The following ATG7 variants were observed in gnomAD, a reference collection of about 807,000 sequenced individuals.
ATG7 encodes the protein autophagy related 7, also known as ubiquitin-like modifier-activating enzyme ATG7.
A neutral mutation model predicts 82.4 loss-of-function variants in ATG7; 70 were observed. That is an observed-to-expected ratio of 0.85 (90% CI 0.70 to 1.04). The LOEUF is 1.04. Among genes scored for constraint, ATG7 ranks in the 50% least tolerant of loss-of-function variants. The probability of loss-of-function intolerance (pLI) is 0.00; values close to 1 mark genes in which losing one functional copy is unlikely to be tolerated. For missense variants in ATG7, 792 were observed against 864.3 expected (o/e 0.92, Z 1.05); for synonymous variants, 287 against 313.0 (o/e 0.92, Z 0.88).
chr3:11,572,971 C>T, the ATG7 span, among the ~76,000 whole-genome samples: 11 of 152,000 alleles, frequency 7.2e-5, no homozygotes, highest in South Asian at 2.1e-4. Flanking sequence ...AGTTTGAGAC[C>T]GGCCTGACCA....
chr3:11,309,183 C>A, intron 7 of ATG7, 122 bp downstream of exon 7: 1 of 983,368 alleles, frequency 1.0e-6, no homozygotes, highest in Non-Finnish European at 1.6e-6. Context: ...TAAATAATAG[C>A]TGTTAACGAA....
At chr3:11,339,454 G>A (rs1031910035) in intron 11 of ATG7, among the ~76,000 whole-genome samples, 2 of 152,192 alleles carry the variant, frequency 1.3e-5, no homozygotes, top group African/African-American at 4.8e-5. Context: ...TGCTGGAAGT[G>A]TAGGCTGTGG....
chr3:11,459,673 A>G (rs1255462905), intron 20 of ATG7, among the ~76,000 whole-genome samples: 1 of 152,272 alleles, frequency 6.6e-6, no homozygotes, highest in East Asian at 1.9e-4. Context: ...GGGAAAAGGA[A>G]ATATACTGGC....
At chr3:11,440,972 T>C (rs2083891403) in intron 20 of ATG7, among the ~76,000 whole-genome samples, 1 of 151,970 alleles carries the variant, frequency 6.6e-6, no homozygotes, top group South Asian at 2.1e-4. Flanking sequence ...CATGAGCCAC[T>C]GTGCCTGGCC....
intron 19 of ATG7, among the ~76,000 whole-genome samples, chr3:11,400,137 T>C (rs2079689509): frequency 6.6e-6 from 1 of 152,180 alleles, no homozygotes. Flanking sequence ...TTTCAGAGAA[T>C]GCTCATCCCA....
chr3:11,343,469 G>A (rs773691033), intron 13 of ATG7, among the ~76,000 whole-genome samples: 26 of 151,978 alleles, frequency 1.7e-4, no homozygotes, highest in Admixed American at 7.2e-4. Flanking sequence ...TTGATTTAGA[G>A]TTCTTTTTAT....
intron 19 of ATG7, among the ~76,000 whole-genome samples, chr3:11,415,493 G>A (rs2081293942): frequency 6.6e-6 from 1 of 151,968 alleles, no homozygotes. Flanking sequence ...AACACAAATT[G>A]TACAGCCATA....
intron 19 of ATG7, among the ~76,000 whole-genome samples, chr3:11,382,705 TGAAA>T (rs1052783245): frequency 2.6e-5 from 4 of 152,246 alleles, no homozygotes; most frequent in African/African-American, 9.6e-5. Flanking sequence ...TCAATATTCC[TGAAA>T]GAATTTCCTG....
chr3:11,569,206 C>T, the ATG7 span, among the ~76,000 whole-genome samples: 2 of 152,232 alleles, frequency 1.3e-5, no homozygotes, highest in African/African-American at 4.8e-5. Context: ...ATGCTTAGCC[C>T]TTAGCCCCAT....
At position 11,306,876 on chromosome 3, in the gene ATG7, G is replaced by A. The variant is rs967459392; in HGVS notation, c.216-67G>A. The A allele has an allele frequency of 3.6e-5, 44 of 1,228,796 alleles. No individual in the cohort carries two copies. In the Admixed American group the frequency reaches 4.5e-4, roughly 13 times the overall value. 76.1% of individuals were successfully genotyped at this position (1,228,796 alleles called of 1,614,324 possible). A position where few individuals can be genotyped will look rare whatever the true frequency, so the allele number is the denominator to read the frequency against. ...ACCCTTTTTATCCCACTACAGTGGT[G>A]GTTGACTTGTCTCTCCCTGGCTGAG... On this transcript the variant is annotated intron_variant, in intron 5 of 20. Coordinates refer to ENST00000693202, the MANE Select transcript of ATG7 (RefSeq NM_001349232.2).
intron 9 of ATG7, 77 bp downstream of exon 9, chr3:11,315,570 C>T: frequency 3.9e-6 from 5 of 1,274,846 alleles, no homozygotes; most frequent in Non-Finnish European, 5.2e-6. Context: ...GAGACCACTG[C>T]AAAATTCAAA....
Position 11,554,926 on chromosome 3 carries a change from G to T in ATG7, c.*83G>T. ...GCCAGAGCAGGACTGCTGACCCCAGGCCTGGTGATTCTGGGCCCCTCCTCC... is the reference window on the plus strand; with the variant it reads ...GCCAGAGCAGGACTGCTGACCCCAGTCCTGGTGATTCTGGGCCCCTCCTCC... On this transcript the variant is annotated 3_prime_UTR_variant, in exon 21 of 21. Transcript: ENST00000693202. The T allele has an allele frequency of 2.0e-6, 3 of 1,527,016 alleles. No individual in the cohort carries two copies. The highest frequency in any genetic ancestry group is 2.7e-6 in the Non-Finnish European group (3 of 1,128,324). 94.6% of individuals were successfully genotyped at this position (1,527,016 alleles called of 1,614,324 possible). A position where few individuals can be genotyped will look rare whatever the true frequency, so the allele number is the denominator to read the frequency against.
intron 19 of ATG7, among the ~76,000 whole-genome samples, chr3:11,393,696 C>A (rs376648279): frequency 7.5e-6 from 1 of 133,274 alleles, no homozygotes; most frequent in African/African-American, 2.7e-5. Flanking sequence ...TTTTTTTTTT[C>A]TTTTATCTCA....
intron 19 of ATG7, among the ~76,000 whole-genome samples, chr3:11,425,994 CA>C (rs1394947720): frequency 6.6e-6 from 1 of 152,186 alleles, no homozygotes; most frequent in African/African-American, 2.4e-5. Context: ...GACTATACCA[CA>C]ATCCATTTGT....
intron 13 of ATG7, among the ~76,000 whole-genome samples, chr3:11,347,644 T>A (rs1031660546): frequency 5.9e-5 from 9 of 152,212 alleles, no homozygotes; most frequent in African/African-American, 2.2e-4. Flanking sequence ...CCACTTGACA[T>A]TTTTTAGTCT....
intron 11 of ATG7, among the ~76,000 whole-genome samples, 191 bp from the exon 12 acceptor site, chr3:11,340,454 G>T (rs1366742868): frequency 6.6e-6 from 1 of 152,152 alleles, no homozygotes; most frequent in African/African-American, 2.4e-5. Flanking sequence ...AGTTGGGAAA[G>T]ATGGGGAGGC....
At chr3:11,311,537 G>A (rs1010038812) in intron 7 of ATG7, among the ~76,000 whole-genome samples, 5 of 151,746 alleles carry the variant, frequency 3.3e-5, no homozygotes, top group African/African-American at 1.2e-4. Context: ...GGGAGGTGGA[G>A]GTTGCAGTGA....
At chr3:11,408,909 G>T (rs915660581) in intron 19 of ATG7, among the ~76,000 whole-genome samples, 3 of 152,126 alleles carry the variant, frequency 2.0e-5, no homozygotes, top group East Asian at 1.9e-4. Context: ...CATCTTGCTG[G>T]CCAGAGCATC....
chr3:11,432,537 G>A (rs2082992941), intron 20 of ATG7, among the ~76,000 whole-genome samples: 1 of 151,980 alleles, frequency 6.6e-6, no homozygotes, highest in Admixed American at 6.6e-5. Context: ...AAGACATATT[G>A]GGTGCTGTGT....
Sources: allele counts gnomAD v4.1 joint callset (sites outside exome capture counted in the v4.1 genomes callset), GRCh38; gene constraint gnomAD v4.1.1; transcripts MANE v1.5; gene names NCBI Gene and HGNC (gene_info 2026-07-23, HGNC 2026-07-21).